The following ZMAT4 variants were observed in gnomAD, a reference collection of about 807,000 sequenced individuals.
ZMAT4 encodes zinc finger matrin-type protein 4.
A neutral mutation model predicts 28.7 loss-of-function variants in ZMAT4; 17 were observed. The ratio of observed to expected loss-of-function variants is 0.59; its 90% CI spans 0.41 to 0.89. The LOEUF is 0.89. Ranked by LOEUF, ZMAT4 falls within the 40% of genes least tolerant of loss-of-function variation. The probability of loss-of-function intolerance (pLI) is 0.00; values close to 1 mark genes in which losing one functional copy is unlikely to be tolerated. For missense variants in ZMAT4, 240 were observed against 283.8 expected (o/e 0.85, Z 1.11); for synonymous variants, 117 against 109.2 (o/e 1.07, Z -0.44).
intron 1 of ZMAT4, among the ~76,000 whole-genome samples, chr8:40,877,687 T>C (rs1188087542): frequency 6.6e-6 from 1 of 151,576 alleles, no homozygotes; most frequent in Non-Finnish European, 1.5e-5. Flanking sequence ...AACATATGCG[T>C]GTGTGTGTGT....
At chr8:40,791,690 T>A (rs1056035378) in intron 2 of ZMAT4, among the ~76,000 whole-genome samples, 1 of 152,204 alleles carries the variant, frequency 6.6e-6, no homozygotes, top group South Asian at 2.1e-4. Context: ...TAGATTTTTT[T>A]AAATAATAGC....
chr8:40,766,503 T>TAAAAA (rs112788488), intron 3 of ZMAT4, among the ~76,000 whole-genome samples: 1 of 151,250 alleles, frequency 6.6e-6, no homozygotes, highest in Non-Finnish European at 1.5e-5. Context: ...CGCTAAGGGC[T>TAAAAA]AAAAAAAAAC....
At chr8:40,620,223 G>A (rs146728947) in intron 5 of ZMAT4, among the ~76,000 whole-genome samples, 10 of 152,316 alleles carry the variant, frequency 6.6e-5, no homozygotes, top group African/African-American at 2.2e-4. Context: ...TGCCACTGTG[G>A]ATCCTGAAGA....
intron 6 of ZMAT4, among the ~76,000 whole-genome samples, chr8:40,536,013 G>T (rs1403976670): frequency 1.3e-5 from 2 of 152,210 alleles, no homozygotes; most frequent in Non-Finnish European, 2.9e-5. Flanking sequence ...CAAAAATGTT[G>T]CTGAACAGTC....
intron 2 of ZMAT4, among the ~76,000 whole-genome samples, chr8:40,794,186 C>T (rs1023687982): frequency 2.0e-5 from 3 of 152,078 alleles, no homozygotes; most frequent in Admixed American, 6.5e-5. Flanking sequence ...GTGCAGAACT[C>T]GGATAACAAG....
Position 40,771,349 on chromosome 8 carries a change from A to AC in ZMAT4, c.103-3620dup, listed in dbSNP as rs5891122. Among the ~76,000 whole-genome samples the AC allele has an allele frequency of 6.8e-3, 1,028 of 151,004 alleles. 17 individuals carry two copies. Among genetic ancestry groups the AC allele is most frequent in the African/African-American group, 0.023 (967 of 41,246 alleles). On this transcript the variant is annotated intron_variant, in intron 2 of 6. Coordinates refer to ENST00000297737, the MANE Select transcript of ZMAT4 (RefSeq NM_024645.3). Reference sequence around the variant, plus strand: ...CAGGTAGAAAAGAAAAAGAAAAAAAACCCATGATTCATTAGGATATGGGGA... The same window carrying AC: ...CAGGTAGAAAAGAAAAAGAAAAAAAACCCCATGATTCATTAGGATATGGGGA...
rs539134920 is a variant in ZMAT4, at chr8:40,841,221, G to A, written c.-4-15541C>T. Reference sequence around the variant, plus strand: ...CAAATGAGGAGCTGGCCCCAGTGGCGGTTGCACTCTCCCCAGGACCTCAGC... The same window carrying A: ...CAAATGAGGAGCTGGCCCCAGTGGCAGTTGCACTCTCCCCAGGACCTCAGC... On this transcript the variant is annotated intron_variant, in intron 1 of 6. Transcript: ENST00000297737. Among the ~76,000 whole-genome samples the A allele has an allele frequency of 8.5e-5, 13 of 152,276 alleles. No individual in the cohort carries two copies. In the South Asian group the frequency reaches 1.2e-3, roughly 15 times the overall value.
At chr8:40,798,711 T>C (rs73615461) in intron 2 of ZMAT4, among the ~76,000 whole-genome samples, 1,673 of 152,310 alleles carry the variant, frequency 0.011, 35 homozygotes, top group African/African-American at 0.038. Context: ...CGGCTGAGAT[T>C]AATTTCCCTC....
intron 5 of ZMAT4, 83 bp downstream of exon 5, chr8:40,674,621 G>C: frequency 8.8e-7 from 1 of 1,130,968 alleles, no homozygotes; most frequent in East Asian, 2.4e-5. Context: ...AAAGCAAGAA[G>C]AAGAATCATT....
chr8:40,699,062 G>T (rs1179118465), intron 3 of ZMAT4, among the ~76,000 whole-genome samples: 1 of 152,170 alleles, frequency 6.6e-6, no homozygotes, highest in Non-Finnish European at 1.5e-5. Flanking sequence ...CTATGGAAAT[G>T]AAATGGACCT....
intron 3 of ZMAT4, among the ~76,000 whole-genome samples, chr8:40,715,065 G>A (rs1360073097): frequency 3.0e-5 from 2 of 67,700 alleles, no homozygotes; most frequent in African/African-American, 6.9e-5. Context: ...AAAAAAAAAA[G>A]TGTGTGAAAT....
chr8:40,703,311 T>A (rs1810223756), intron 3 of ZMAT4, among the ~76,000 whole-genome samples: 1 of 152,120 alleles, frequency 6.6e-6, no homozygotes, highest in Non-Finnish European at 1.5e-5. Flanking sequence ...TAGCCCAAAG[T>A]GGAAACAGCC....
intron 1 of ZMAT4, among the ~76,000 whole-genome samples, chr8:40,865,905 T>C (rs1163775830): frequency 1.3e-5 from 2 of 152,130 alleles, no homozygotes. Flanking sequence ...CAACTAACTT[T>C]CCAGCTGCTC....
chr8:40,722,438 A>G (rs184216782), intron 3 of ZMAT4, among the ~76,000 whole-genome samples: 5 of 152,172 alleles, frequency 3.3e-5, no homozygotes, highest in African/African-American at 1.2e-4. Flanking sequence ...CCAGATAAGT[A>G]CTGTATACAA....
chr8:40,695,768 ATTTTTTTTTTTTTTTTTTTTTT>A (rs756360990), intron 4 of ZMAT4, among the ~76,000 whole-genome samples: 23 of 58,508 alleles, frequency 3.9e-4, no homozygotes, highest in African/African-American at 1.0e-3. Flanking sequence ...CCATGTGGCA[ATTTTTTTTTTTTTTTTTTTTTT>A]TTTTTTTTTT....
intron 2 of ZMAT4, among the ~76,000 whole-genome samples, chr8:40,823,483 C>G (rs1815904394): frequency 6.6e-6 from 1 of 152,034 alleles, no homozygotes; most frequent in African/African-American, 2.4e-5. Flanking sequence ...ACGGTAAAAC[C>G]CTGTCTCTAC....
At chr8:40,645,179 G>T (rs1047579542) in intron 5 of ZMAT4, among the ~76,000 whole-genome samples, 1 of 152,156 alleles carries the variant, frequency 6.6e-6, no homozygotes, top group African/African-American at 2.4e-5. Flanking sequence ...GTTAATAACA[G>T]GAGAAGCTGG....
At chr8:40,686,231 C>G (rs1809400270) in intron 4 of ZMAT4, among the ~76,000 whole-genome samples, 1 of 151,882 alleles carries the variant, frequency 6.6e-6, no homozygotes, top group Non-Finnish European at 1.5e-5. Context: ...AAAAAAATCA[C>G]AGGCGAGGCA....
Position 40,674,763 on chromosome 8 carries a change from G to T in ZMAT4, c.518C>A (p.Ala173Glu). The change falls in exon 5 of 7, where the codon GCG (alanine) becomes GAG (glutamate). Residue 173 changes from alanine (A) to glutamate (E), a missense_variant. Coordinates refer to ENST00000297737, the MANE Select transcript of ZMAT4 (RefSeq NM_024645.3). ...TTGTTCTAACAAAGCAACTCTTGCC[G>T]CATTCTTTTTGTGTTTCTTGCCATC... ...HYDGKKHKKN[A>E]ARVALLEQLG... is the part of the protein sequence containing the mutation. 5.6e-6 allele frequency: 9 copies of T among 1,613,896 alleles called. No homozygotes were observed. The highest frequency in any genetic ancestry group is 1.1e-5 in the South Asian group (1 of 91,076).
Sources: gnomAD v4.1 joint callset for allele counts (sites outside exome capture counted in the v4.1 genomes callset) on GRCh38, gnomAD v4.1.1 for gene constraint, MANE v1.5 for transcripts, NCBI Gene and HGNC (gene_info 2026-07-23, HGNC 2026-07-21) for gene names.